The following CTH variants were observed in gnomAD, a reference collection of about 807,000 sequenced individuals.
CTH encodes cystathionine gamma-lyase.
Under a neutral mutation model 50.6 loss-of-function variants are expected in CTH, and 41 were observed. The observed-to-expected ratio is 0.81, with a 90% CI of 0.63 to 1.05. The LOEUF (loss-of-function observed/expected upper bound fraction) is 1.05, where lower values mean the gene tolerates loss of function less well. Ranked by LOEUF, CTH falls within the 50% of genes least tolerant of loss-of-function variation. CTH has a pLI of 0.00. For synonymous variants in CTH, 156 were observed against 168.9 expected (o/e 0.92, Z 0.59); for missense variants, 470 against 492.6 (o/e 0.95, Z 0.43).
intron 4 of CTH, among the ~76,000 whole-genome samples, chr1:70,423,087 G>T (rs1167219607): frequency 6.6e-6 from 1 of 151,462 alleles, no homozygotes; most frequent in Non-Finnish European, 1.5e-5. Flanking sequence ...TTATTTATTT[G>T]GTAATTTTTA....
chr1:70,412,663 C>A (rs1683994133), intron 1 of CTH, among the ~76,000 whole-genome samples: 1 of 152,148 alleles, frequency 6.6e-6, no homozygotes, highest in African/African-American at 2.4e-5. Flanking sequence ...CATTCTGACA[C>A]CACTTCTTCT....
At chr1:70,434,972 G>A (rs1684566046) in intron 9 of CTH, 153 bp from the exon 10 acceptor site, 1 of 529,814 alleles carries the variant, frequency 1.9e-6, no homozygotes, top group Non-Finnish European at 3.2e-6. Flanking sequence ...GGCTGGTCTC[G>A]AACTCCTGAC....
rs1684675471 is a variant in CTH, at chr1:70,439,532, A to G, written c.*405A>G. ...TAAATCAAGTGTGATTTTTTTGCAT[A>G]TCATTGAAAAGAACATTAAAAGCAA... On this transcript the variant is annotated 3_prime_UTR_variant, in exon 12 of 12. Coordinates refer to ENST00000370938, the MANE Select transcript of CTH (RefSeq NM_001902.6). 3 of 197,836 alleles carry G rather than the reference A, an allele frequency of 1.5e-5. No homozygotes were observed. Among genetic ancestry groups the G allele is most frequent in the Non-Finnish European group, 3.1e-5 (3 of 95,858 alleles). The allele number at this position is 197,836 out of a possible 1,614,324, so 12.3% of individuals were successfully genotyped here.
intron 1 of CTH, among the ~76,000 whole-genome samples, chr1:70,411,971 A>T (rs938892298): frequency 6.6e-6 from 1 of 152,224 alleles, no homozygotes; most frequent in African/African-American, 2.4e-5. Flanking sequence ...TAGAATTAAG[A>T]TTGTTTCCAG....
chr1:70,416,718 C>G (rs1684100671), intron 2 of CTH, among the ~76,000 whole-genome samples: 1 of 152,098 alleles, frequency 6.6e-6, no homozygotes, highest in Admixed American at 6.6e-5. Flanking sequence ...TGCCTGCCAC[C>G]ACGCCCAGCT....
At chr1:70,421,493 T>G (rs1684220659) in intron 3 of CTH, 73 bp from the exon 4 acceptor site, 2 of 1,477,926 alleles carry the variant, frequency 1.4e-6, no homozygotes, top group Non-Finnish European at 1.9e-6. Context: ...TTTGTAAGTG[T>G]TTATACATAG....
chr1:70,429,858 T>C lies in CTH; in HGVS notation c.646+7T>C, dbSNP rs765732246. 1.2e-6 allele frequency: 2 copies of C among 1,602,302 alleles called. No individual in the cohort carries two copies. Among genetic ancestry groups the C allele is most frequent in the Non-Finnish European group, 1.7e-6 (2 of 1,169,310 alleles). ...GCAACAAAATACATGAATGGTAAGA[T>C]GCATACTTTGAATGTTCTTTTTCAT... On this transcript the variant is annotated splice_region_variant and intron_variant, in intron 6 of 11. Transcript: ENST00000370938.
intron 10 of CTH, among the ~76,000 whole-genome samples, chr1:70,437,548 C>A (rs1242551580): frequency 1.3e-5 from 2 of 152,228 alleles, no homozygotes; most frequent in East Asian, 3.9e-4. Context: ...GCCACATAGG[C>A]AGTATGTGGA....
At chr1:70,416,788 C>G (rs181556403) in intron 2 of CTH, among the ~76,000 whole-genome samples, 2 of 151,932 alleles carry the variant, frequency 1.3e-5, no homozygotes, top group Non-Finnish European at 2.9e-5. Context: ...TGGTCTCGAT[C>G]TCCTGACCTC....
intron 1 of CTH, among the ~76,000 whole-genome samples, chr1:70,414,258 A>G (rs960565750): frequency 6.6e-6 from 1 of 151,460 alleles, no homozygotes; most frequent in Non-Finnish European, 1.5e-5. Flanking sequence ...TCACGCCTGT[A>G]ATCCCAGCAC....
chr1:70,416,851 C>G (rs1360466682), intron 2 of CTH, among the ~76,000 whole-genome samples: 3 of 152,116 alleles, frequency 2.0e-5, no homozygotes, highest in Admixed American at 6.6e-5. Context: ...AGTGGGCCAC[C>G]ACGCCCAGCC....
At position 70,424,323 on chromosome 1, in the gene CTH, G is replaced by T. The variant is rs375562313; in HGVS notation, c.495G>T (p.Lys165Asn). 35 of 1,613,946 alleles carry T rather than the reference G, an allele frequency of 2.2e-5. No homozygotes were observed. The East Asian group carries it at 6.7e-4, about 31-fold the overall frequency. Reference sequence around the variant, plus strand: ...AAACCCCCACAAACCCCACCCAGAAGGTGATTGACATTGAAGGCTGTGCAC... The same window carrying T: ...AAACCCCCACAAACCCCACCCAGAATGTGATTGACATTGAAGGCTGTGCAC... ...WIETPTNPTQKVIDIEGCAHI... is the reference protein window; with the variant it reads ...WIETPTNPTQNVIDIEGCAHI... The change falls in exon 5 of 12, where the codon AAG becomes AAT. Residue 165 changes from lysine to asparagine, a missense_variant. Physicochemically the swap from Lys to Asn is moderately conservative, Grantham distance 94. Coordinates refer to ENST00000370938, the MANE Select transcript of CTH (RefSeq NM_001902.6).
chr1:70,421,041 A>T lies in CTH; in HGVS notation c.347-525A>T, dbSNP rs184214602. Among the ~76,000 whole-genome samples, 3 of 152,260 alleles carry T rather than the reference A, an allele frequency of 2.0e-5. No individual in the cohort carries two copies. The East Asian group carries it at 5.8e-4, about 29-fold the overall frequency. On this transcript the variant is annotated intron_variant, in intron 3 of 11. Coordinates refer to ENST00000370938, the MANE Select transcript of CTH (RefSeq NM_001902.6). The stretch of plus-strand genomic sequence containing the variant: ...ATAAAAAATTATTTTAAGTCAAATG[A>T]TTTACCTTGTTTCACTGTAAAAATC...
At chr1:70,420,194 G>C (rs979758655) in intron 3 of CTH, among the ~76,000 whole-genome samples, 2 of 152,048 alleles carry the variant, frequency 1.3e-5, no homozygotes, top group African/African-American at 2.4e-5. Context: ...GTTTCTCCTT[G>C]TTGGTCAGGC....
In CTH at chr1:70,411,496, G is replaced by C. The variant is rs1302241473; in HGVS notation, c.81G>C (p.Gln27His). ...HFATQAIHVG[Q>H]DPEQWTSRAV... is the part of the protein sequence containing the mutation. ...CCACGCAGGCGATCCATGTGGGCCA[G>C]GATCCAGAGCAATGGACCTCCAGGG... Residue 27 changes from glutamine to histidine, a missense_variant, in exon 1 of 12, where the codon CAG becomes CAC. Physicochemically the swap from Gln to His is conservative, Grantham distance 24 (BLOSUM62 0). Transcript: ENST00000370938. 1 of 1,614,092 alleles carries C rather than the reference G, an allele frequency of 6.2e-7. No individual in the cohort carries two copies. Among genetic ancestry groups the C allele is most frequent in the East Asian group, 2.2e-5 (1 of 44,890 alleles).
chr1:70,427,181 T>G (rs1462318682), intron 5 of CTH, among the ~76,000 whole-genome samples: 2 of 152,190 alleles, frequency 1.3e-5, no homozygotes, highest in Non-Finnish European at 2.9e-5. Flanking sequence ...TTCCCAGTCT[T>G]TTGTCCTCTG....
At chr1:70,427,514 C>T (rs1684369493) in intron 5 of CTH, among the ~76,000 whole-genome samples, 2 of 152,116 alleles carry the variant, frequency 1.3e-5, no homozygotes, top group African/African-American at 2.4e-5. Flanking sequence ...GTAGAGTTTA[C>T]AGAATGTTAG....
At chr1:70,415,897 T>G (rs765618928) in intron 1 of CTH, 59 bp from the exon 2 acceptor site, 6 of 899,648 alleles carry the variant, frequency 6.7e-6, no homozygotes, top group Non-Finnish European at 1.1e-5. Context: ...GTTCTCTATG[T>G]TAGGACTCTG....
At chr1:70,437,964 CTA>C (rs1480648293) in intron 10 of CTH, among the ~76,000 whole-genome samples, 4 of 152,144 alleles carry the variant, frequency 2.6e-5, no homozygotes, top group African/African-American at 9.7e-5. Flanking sequence ...TTTATATAGA[CTA>C]TTTTGTTTTG....
Sources: gnomAD v4.1 joint callset for allele counts (sites outside exome capture counted in the v4.1 genomes callset) on GRCh38, gnomAD v4.1.1 for gene constraint, MANE v1.5 for transcripts, NCBI Gene and HGNC (gene_info 2026-07-23, HGNC 2026-07-21) for gene names.